Variants in IDH2 observed in about 807,000 individuals in gnomAD.
IDH2 encodes isocitrate dehydrogenase [NADP], mitochondrial.
IDH2 carries 18 observed loss-of-function variants against 50.5 expected under a neutral mutation model. The ratio of observed to expected loss-of-function variants is 0.36; its 90% CI spans 0.25 to 0.53. The LOEUF (loss-of-function observed/expected upper bound fraction) is 0.53, where lower values mean the gene tolerates loss of function less well. IDH2 is among the 20% of genes least tolerant of loss of function. The pLI, the probability that IDH2 is intolerant of heterozygous loss-of-function variation, is 0.92. For missense variants in IDH2, 518 were observed against 610.7 expected (o/e 0.85, Z 1.60); for synonymous variants, 280 against 239.8 (o/e 1.17, Z -1.55).
intron 1 of IDH2, 80 bp from the exon 2 acceptor site, chr15:90,091,724 T>G: frequency 8.7e-7 from 1 of 1,149,650 alleles, no homozygotes. Flanking sequence ...GGCCCGCCCT[T>G]CACCAGGAGA....
In IDH2 at chr15:90,084,382, G is replaced by A; in HGVS notation, c.1272-29C>T. 1 of 1,599,420 alleles carries A rather than the reference G, an allele frequency of 6.3e-7. No individual in the cohort carries two copies. The highest frequency in any genetic ancestry group is 8.6e-7 in the Non-Finnish European group (1 of 1,169,422). On this transcript the variant is annotated intron_variant, in intron 10 of 10. Coordinates refer to ENST00000330062, the MANE Select transcript of IDH2 (RefSeq NM_002168.4). This position sits in a 1 kb window ranked among gnomAD's most constrained non-coding sequence, Gnocchi z 5.0. The stretch of plus-strand genomic sequence containing the variant: ...CAGAGAGAGCACCACTCACATCAGG[G>A]GTGGCTCCAGGCCTTGCCAAGGCCA...
chr15:90,089,797 G>A (rs1178062144), intron 3 of IDH2, among the ~76,000 whole-genome samples: 3 of 152,170 alleles, frequency 2.0e-5, no homozygotes, highest in South Asian at 2.1e-4. Flanking sequence ...TGGAACCCTC[G>A]AGAGCGGCCC....
intron 5 of IDH2, among the ~76,000 whole-genome samples, chr15:90,087,978 T>C (rs557939455): frequency 1.3e-5 from 2 of 152,140 alleles, no homozygotes; most frequent in South Asian, 4.2e-4. Context: ...TCAGAGGTGG[T>C]CATGTGACTC....
chr15:90,084,219 C>A lies in IDH2; in HGVS notation c.*47G>T, dbSNP rs767424579. ...CTCTGCCGCGCTCAGGAGGACCCGC[C>A]GGCTCAGCCCTGGCCCCTCCACTGC... On this transcript the variant is annotated 3_prime_UTR_variant, in exon 11 of 11. Coordinates refer to ENST00000330062, the MANE Select transcript of IDH2 (RefSeq NM_002168.4). This position sits in a 1 kb window ranked among gnomAD's most constrained non-coding sequence, Gnocchi z 5.0. The A allele has an allele frequency of 6.5e-6, 10 of 1,542,632 alleles. No homozygotes were observed. Among genetic ancestry groups the A allele is most frequent in the Non-Finnish European group, 8.0e-6 (9 of 1,120,286 alleles).
intron 1 of IDH2, among the ~76,000 whole-genome samples, chr15:90,092,735 C>G (rs1433956176): frequency 6.6e-6 from 1 of 152,148 alleles, no homozygotes; most frequent in Non-Finnish European, 1.5e-5. Flanking sequence ...CACCACAACA[C>G]CTGGCTAATT....
At position 90,090,491 on chromosome 15, in the gene IDH2, C is replaced by T; in HGVS notation, c.361G>A (p.Ala121Thr). The T allele has an allele frequency of 6.2e-7, 1 of 1,613,622 alleles. No homozygotes were observed. The highest frequency in any genetic ancestry group is 1.1e-5 in the South Asian group (1 of 91,028). The part of the protein sequence containing the change: ...VKCATITPDE[A>T]RVEEFKLKKM... ...CACACCCTCGCACCTTCCACACGGG[C>T]CTCATCAGGGGTGATGGTGGCACAC... The change falls in exon 3 of 11, where the codon GCC (alanine) becomes ACC (threonine). Residue 121 changes from alanine to threonine, a missense_variant. Around this residue, in one of 5 missense-constraint regions of IDH2, gnomAD observed 68 missense variants for 109.7 expected, o/e 0.62. Transcript: ENST00000330062.
rs891664345 is a variant in IDH2 at position 90,084,886 on chromosome 15, C to T, written c.1201G>A (p.Val401Met). ...LIRFAQMLEK[V>M]CVETVESGAM... ...CCACTCTCCACCGTCTCCACGCACA[C>T]CTTCTCCAGCATCTGGGCAAACCTA... The change falls in exon 10 of 11, where the codon GTG (valine) becomes ATG (methionine). Residue 401 changes from valine (V) to methionine (M), a missense_variant. By Grantham distance (21) the Val-to-Met change is conservative. Around this residue, in one of 5 missense-constraint regions of IDH2, gnomAD observed 135 missense variants for 167.6 expected, o/e 0.81. Transcript: ENST00000330062. This position sits in a 1 kb window ranked among gnomAD's most constrained non-coding sequence, Gnocchi z 5.0. The T allele has an allele frequency of 1.2e-6, 2 of 1,614,100 alleles. No individual in the cohort carries two copies. Among genetic ancestry groups the T allele is most frequent in the South Asian group, 2.2e-5 (2 of 91,086 alleles).
Position 90,088,358 on chromosome 15 carries a change from C to A in IDH2, c.678+1G>T. 1 of 1,613,368 alleles carries A rather than the reference C, an allele frequency of 6.2e-7. No homozygotes were observed. Among genetic ancestry groups the A allele is most frequent in the Non-Finnish European group, 8.5e-7 (1 of 1,180,034 alleles). ...GCCCAGGATGCCCAAGCCAGCCTCA[C>A]CTCGTCGGTGTTGTACATGCCCATG... is the stretch of plus-strand genomic sequence containing the variant. On this transcript the variant is annotated splice_donor_variant, in intron 5 of 10. Coordinates refer to ENST00000330062, the MANE Select transcript of IDH2 (RefSeq NM_002168.4). LOFTEE classifies it high-confidence loss of function.
Position 90,096,651 on chromosome 15 carries a change from G to A in IDH2, c.116-5007C>T, listed in dbSNP as rs181774403. 2.5e-3 allele frequency among the ~76,000 whole-genome samples: 382 copies of A among 152,098 alleles called. 1 individual carries two copies. The highest frequency in any genetic ancestry group is 8.7e-3 in the African/African-American group (360 of 41,478). On this transcript the variant is annotated intron_variant, in intron 1 of 10. Coordinates refer to ENST00000330062, the MANE Select transcript of IDH2 (RefSeq NM_002168.4). ...GAATTACTGCCGGGCACGGTGGCTC[G>A]CACCTGTAATCCCAGCACTGTGGAA... is the stretch of plus-strand genomic sequence containing the variant.
chr15:90,094,516 TAC>T (rs918848691), intron 1 of IDH2, among the ~76,000 whole-genome samples: 67 of 152,346 alleles, frequency 4.4e-4, no homozygotes, highest in African/African-American at 1.4e-3. Flanking sequence ...ACTCTTGTGT[TAC>T]ACACAGTCCT....
chr15:90,088,278 C>A, intron 5 of IDH2, 81 bp downstream of exon 5: 1 of 1,562,446 alleles, frequency 6.4e-7, no homozygotes, highest in Non-Finnish European at 8.7e-7. Context: ...GAGGCCATTA[C>A]AGAAGAAAGG....
intron 3 of IDH2, among the ~76,000 whole-genome samples, chr15:90,089,788 G>A (rs1479525718): frequency 1.3e-5 from 2 of 152,280 alleles, no homozygotes; most frequent in Admixed American, 6.5e-5. Flanking sequence ...GTGACTTCAT[G>A]GAACCCTCGA....
rs1008022729 is a variant in IDH2, at chr15:90,084,182, G to A, written c.*84C>T. On this transcript the variant is annotated 3_prime_UTR_variant, in exon 11 of 11. Coordinates refer to ENST00000330062, the MANE Select transcript of IDH2 (RefSeq NM_002168.4). This position sits in a 1 kb window ranked among gnomAD's most constrained non-coding sequence, Gnocchi z 5.0. ...CTAGAAAGGCCTCCAGAGAGGGGCT[G>A]TGAGGCTCACCCTCTGCCGCGCTCA... The A allele has an allele frequency of 5.9e-5, 65 of 1,093,114 alleles. No homozygotes were observed. Among genetic ancestry groups the A allele is most frequent in the Non-Finnish European group, 8.5e-5 (62 of 726,268 alleles). 67.7% of individuals were successfully genotyped at this position (1,093,114 alleles called of 1,614,324 possible).
chr15:90,102,364 G>A lies in IDH2; in HGVS notation c.27C>T (p.Arg9=), dbSNP rs773877161. 4.8e-5 allele frequency: 66 copies of A among 1,367,026 alleles called. 2 individuals carry two copies. The South Asian group carries it at 9.5e-4, about 20-fold the overall frequency. 84.7% of individuals were successfully genotyped at this position (1,367,026 alleles called of 1,614,324 possible). A position where few individuals can be genotyped will look rare whatever the true frequency, so the allele number is the denominator to read the frequency against. MAGYLRVV[R]SLCRASGSRP... is the part of the protein sequence containing the mutation. ...GCGAGCCTGAGGCTCTGCAGAGCGAGCGCACGACCCGCAGGTAGCCGGCCA... is the reference window on the plus strand; with the variant it reads ...GCGAGCCTGAGGCTCTGCAGAGCGAACGCACGACCCGCAGGTAGCCGGCCA... The change falls in exon 1 of 11, where the codon CGC becomes CGT. Residue 9 remains arginine, a synonymous_variant. Transcript: ENST00000330062.
At chr15:90,093,377 C>T (rs536140896) in intron 1 of IDH2, among the ~76,000 whole-genome samples, 1 of 152,288 alleles carries the variant, frequency 6.6e-6, no homozygotes, top group East Asian at 1.9e-4. Flanking sequence ...CTATGAGCTA[C>T]GCTGTGTAGC....
chr15:90,100,560 C>G lies in IDH2; in HGVS notation c.115+1716G>C. On this transcript the variant is annotated intron_variant, in intron 1 of 10. Transcript: ENST00000330062. This position sits in a 1 kb window ranked among gnomAD's most constrained non-coding sequence, Gnocchi z 4.1. ...GTTCACAGAACTGGTCCGCACTGCC[C>G]CAAGCTCTAACTTACCAGAAACATC... 1 of 944,842 alleles carries G rather than the reference C, an allele frequency of 1.1e-6. No individual in the cohort carries two copies. Among genetic ancestry groups the G allele is most frequent in the Non-Finnish European group, 1.3e-6 (1 of 792,840 alleles). The allele number at this position is 944,842 out of a possible 1,614,324, so 58.5% of individuals were successfully genotyped here.
At chr15:90,091,699 C>G in intron 1 of IDH2, 55 bp from the exon 2 acceptor site, 1 of 1,469,942 alleles carries the variant, frequency 6.8e-7, no homozygotes, top group Non-Finnish European at 9.5e-7. Context: ...GAGGGGGGCC[C>G]TCTCCTCCCA....
chr15:90,088,334 C>A, intron 5 of IDH2, 25 bp downstream of exon 5: 1 of 1,611,580 alleles, frequency 6.2e-7, no homozygotes, highest in Non-Finnish European at 8.5e-7. Flanking sequence ...AGAGGAGGGG[C>A]CCAGGATGCC....
intron 1 of IDH2, among the ~76,000 whole-genome samples, chr15:90,092,576 T>A (rs995409295): frequency 7.3e-6 from 1 of 137,418 alleles, no homozygotes; most frequent in Admixed American, 6.9e-5. Flanking sequence ...CAGCTATTTT[T>A]AATTTTTTTT....
Sources: gnomAD v4.1 joint callset for allele counts (sites outside exome capture counted in the v4.1 genomes callset) on GRCh38, gnomAD v4.1.1 for gene constraint, gnomAD v4.1.1 regional missense constraint, Gnocchi (gnomAD v3.1) non-coding constraint, MANE v1.5 for transcripts, NCBI Gene and HGNC (gene_info 2026-07-23, HGNC 2026-07-21) for gene names.